ACBD6: variants seen among roughly 807,000 people sequenced by gnomAD.
The protein encoded by ACBD6 is acyl-CoA binding domain containing 6.
Under a neutral mutation model 37.2 loss-of-function variants are expected in ACBD6, and 28 were observed. The ratio of observed to expected loss-of-function variants is 0.75; its 90% CI spans 0.56 to 1.03. ACBD6 has a LOEUF of 1.03. Among genes scored for constraint, ACBD6 ranks in the 50% least tolerant of loss-of-function variants. ACBD6 has a pLI of 0.00. For missense variants in ACBD6, 340 were observed against 337.4 expected (o/e 1.01, Z -0.06); for synonymous variants, 113 against 126.8 (o/e 0.89, Z 0.73).
At chr1:180,435,082 C>G (rs774154547) in intron 3 of ACBD6, 6 of 790,156 alleles carry the variant, frequency 7.6e-6, no homozygotes, top group African/African-American at 5.1e-5. Context: ...CTGAAGCTTA[C>G]CTTCAATTCA....
chr1:180,495,616 C>T lies in ACBD6; in HGVS notation c.223-91G>A, dbSNP rs1243030868. On this transcript the variant is annotated intron_variant, in intron 1 of 7. Transcript: ENST00000367595. Reference sequence around the variant, plus strand: ...CAAATGTATTATGTATATTCAGTAACCATAGGTTGGAAAATATTTGCATCT... The same window carrying T: ...CAAATGTATTATGTATATTCAGTAATCATAGGTTGGAAAATATTTGCATCT... 5.0e-6 allele frequency: 5 copies of T among 992,872 alleles called. No homozygotes were observed. In the Admixed American group the frequency reaches 1.1e-4, roughly 21 times the overall value. The allele number at this position is 992,872 out of a possible 1,614,324, so 61.5% of individuals were successfully genotyped here. A position where few individuals can be genotyped will look rare whatever the true frequency, so the allele number is the denominator to read the frequency against.
At chr1:180,278,267 A>AGTT (rs781349198) in intron 9 of ACBD6, 3 of 152,170 alleles carry the variant, frequency 2.0e-5, no homozygotes, top group Admixed American at 6.5e-5. Context: ...AGCGGAAATG[A>AGTT]GTTTTGTTTT....
intron 7 of ACBD6, among the ~76,000 whole-genome samples, chr1:180,305,509 C>T (rs1650317705): frequency 6.6e-6 from 1 of 152,164 alleles, no homozygotes; most frequent in Non-Finnish European, 1.5e-5. Flanking sequence ...AAATGCTCAT[C>T]ATCACTGGCC....
In ACBD6 at chr1:180,321,032, G is replaced by A. The variant is rs1444709294; in HGVS notation, c.664-6310C>T. 5.3e-5 allele frequency among the ~76,000 whole-genome samples: 8 copies of A among 152,210 alleles called. No individual in the cohort carries two copies. The East Asian group carries it at 5.8e-4, about 11-fold the overall frequency. On this transcript the variant is annotated intron_variant, in intron 6 of 7. Transcript: ENST00000367595. Reference sequence around the variant, plus strand: ...ACGGGTATCTAGTTTTCCCAGCACCGTTTATTAAAGAGGCTGTCTTTTCCC... The same window carrying A: ...ACGGGTATCTAGTTTTCCCAGCACCATTTATTAAAGAGGCTGTCTTTTCCC...
chr1:180,374,808 T>C (rs1653376528), intron 6 of ACBD6, among the ~76,000 whole-genome samples: 1 of 152,168 alleles, frequency 6.6e-6, no homozygotes, highest in South Asian at 2.1e-4. Flanking sequence ...TATTGAAGTA[T>C]AGAAATTAGA....
intron 6 of ACBD6, among the ~76,000 whole-genome samples, chr1:180,320,323 A>G (rs1651017018): frequency 6.6e-6 from 1 of 152,146 alleles, no homozygotes; most frequent in Admixed American, 6.5e-5. Context: ...GATCTATTCA[A>G]ATCATTTGCC....
At chr1:180,358,337 G>A (rs1185733696) in intron 6 of ACBD6, among the ~76,000 whole-genome samples, 1 of 152,124 alleles carries the variant, frequency 6.6e-6, no homozygotes, top group African/African-American at 2.4e-5. Flanking sequence ...TGAGGCAGGA[G>A]AATTGCTTGA....
At chr1:180,394,407 T>C (rs1199390370) in intron 6 of ACBD6, among the ~76,000 whole-genome samples, 2 of 152,062 alleles carry the variant, frequency 1.3e-5, no homozygotes, top group African/African-American at 4.8e-5. Flanking sequence ...TTTTTTTTCT[T>C]TGTTGTTTTA....
At chr1:180,327,989 C>A (rs886701977) in intron 6 of ACBD6, among the ~76,000 whole-genome samples, 4 of 152,058 alleles carry the variant, frequency 2.6e-5, no homozygotes, top group African/African-American at 9.7e-5. Context: ...AAATTGTGTG[C>A]CTCATCAAAT....
chr1:180,310,097 TA>T (rs969332447), intron 7 of ACBD6, among the ~76,000 whole-genome samples: 5 of 151,552 alleles, frequency 3.3e-5, no homozygotes, highest in East Asian at 1.9e-4. Context: ...TCCTCATTTA[TA>T]AAAAAAAATA....
At chr1:180,402,607 G>A (rs1322670053) in intron 5 of ACBD6, among the ~76,000 whole-genome samples, 1 of 152,106 alleles carries the variant, frequency 6.6e-6, no homozygotes, top group Non-Finnish European at 1.5e-5. Context: ...TATGAGACCA[G>A]CCTGGGGAAC....
chr1:180,417,710 C>T (rs1648155646), intron 4 of ACBD6, among the ~76,000 whole-genome samples: 1 of 152,008 alleles, frequency 6.6e-6, no homozygotes, highest in Non-Finnish European at 1.5e-5. Flanking sequence ...GATCTTTTTT[C>T]TACATCTTTG....
chr1:180,315,261 G>A (rs148441995), intron 6 of ACBD6, among the ~76,000 whole-genome samples: 20 of 152,236 alleles, frequency 1.3e-4, no homozygotes, highest in African/African-American at 4.6e-4. Flanking sequence ...AAGTTGTTAA[G>A]AAAGCCAAAA....
At chr1:180,456,172 A>C (rs1267274542) in intron 3 of ACBD6, among the ~76,000 whole-genome samples, 1 of 149,838 alleles carries the variant, frequency 6.7e-6, no homozygotes, top group Non-Finnish European at 1.5e-5. Flanking sequence ...AGATTGCACC[A>C]CTGCTCTACA....
At chr1:180,342,137 T>G (rs894236244) in intron 6 of ACBD6, among the ~76,000 whole-genome samples, 1 of 152,084 alleles carries the variant, frequency 6.6e-6, no homozygotes, top group African/African-American at 2.4e-5. Context: ...TACCTAGAAA[T>G]CAATTAGAGC....
chr1:180,480,822 G>A (rs1261871982), intron 3 of ACBD6, among the ~76,000 whole-genome samples: 1 of 152,164 alleles, frequency 6.6e-6, no homozygotes, highest in Non-Finnish European at 1.5e-5. Flanking sequence ...CTTGAGGTCA[G>A]GAGTTCGAGA....
chr1:180,496,417 C>T (rs576675672), intron 1 of ACBD6, among the ~76,000 whole-genome samples: 3 of 152,222 alleles, frequency 2.0e-5, no homozygotes, highest in South Asian at 4.1e-4. Flanking sequence ...TTAACTCATC[C>T]ACAGAACCTA....
chr1:180,325,895 T>C (rs1158749035), intron 6 of ACBD6, among the ~76,000 whole-genome samples: 2 of 152,240 alleles, frequency 1.3e-5, no homozygotes, highest in African/African-American at 4.8e-5. Flanking sequence ...TCTCCTGTGC[T>C]GAGCCACTTG....
intron 3 of ACBD6, among the ~76,000 whole-genome samples, chr1:180,482,059 T>C (rs1651070895): frequency 6.6e-6 from 1 of 152,160 alleles, no homozygotes; most frequent in Non-Finnish European, 1.5e-5. Context: ...TACCTTATAG[T>C]CAACAAAAAT....
Sources: gnomAD v4.1 joint callset for allele counts (sites outside exome capture counted in the v4.1 genomes callset) on GRCh38, gnomAD v4.1.1 for gene constraint, MANE v1.5 for transcripts, NCBI Gene and HGNC (gene_info 2026-07-23, HGNC 2026-07-21) for gene names.